Variants in PRDM11 observed in about 807,000 individuals in gnomAD.
PRDM11 encodes the protein PR domain-containing protein 11.
In PRDM11, 20 loss-of-function variants were observed where a neutral mutation model predicts 97.8. The observed-to-expected ratio is 0.20, with a 90% CI of 0.14 to 0.30. The LOEUF is 0.30. PRDM11 is among the 10% of genes least tolerant of loss of function. The pLI, the probability that PRDM11 is intolerant of heterozygous loss-of-function variation, is 1.00. For synonymous variants in PRDM11, 599 were observed against 637.7 expected (o/e 0.94, Z 0.91); for missense variants, 1,139 against 1,555.2 (o/e 0.73, Z 4.50).
chr11:45,198,121 T>A (rs769047014), intron 4 of PRDM11, among the ~76,000 whole-genome samples: 1 of 152,368 alleles, frequency 6.6e-6, no homozygotes, highest in South Asian at 2.1e-4. Flanking sequence ...TTGAGCTTTT[T>A]TGAATCACCT....
chr11:45,134,289 G>A (rs1852783021), intron 1 of PRDM11, among the ~76,000 whole-genome samples: 1 of 152,170 alleles, frequency 6.6e-6, no homozygotes, highest in Admixed American at 6.5e-5. Context: ...TTACGATCAT[G>A]TTCCTTGAGA....
intron 1 of PRDM11, among the ~76,000 whole-genome samples, chr11:45,164,228 C>G (rs732161): frequency 0.3 from 45,330 of 152,052 alleles, 7,553 homozygotes; most frequent in Admixed American, 0.4. Context: ...GAGTGGGCAG[C>G]GTAAGGTCAG....
At chr11:45,148,927 A>G (rs1451991945) in intron 1 of PRDM11, among the ~76,000 whole-genome samples, 1 of 151,920 alleles carries the variant, frequency 6.6e-6, no homozygotes, top group African/African-American at 2.4e-5. Context: ...GGTGTCCATA[A>G]TCTTCCTCTC....
intron 5 of PRDM11, among the ~76,000 whole-genome samples, chr11:45,217,965 C>T (rs1319612689): frequency 6.6e-6 from 1 of 152,166 alleles, no homozygotes; most frequent in Non-Finnish European, 1.5e-5. Context: ...TCCTTCAAGT[C>T]GTTTACTGGG....
intron 1 of PRDM11, among the ~76,000 whole-genome samples, chr11:45,114,968 G>A: frequency 6.6e-6 from 1 of 152,022 alleles, no homozygotes; most frequent in African/African-American, 2.4e-5. Flanking sequence ...TAGGCTGAAG[G>A]GAGATTACAC....
intron 1 of PRDM11, among the ~76,000 whole-genome samples, chr11:45,108,822 T>C (rs1852114394): frequency 6.6e-6 from 1 of 152,184 alleles, no homozygotes; most frequent in South Asian, 2.1e-4. Flanking sequence ...AACCAAGAAT[T>C]AACACATGCA....
chr11:45,220,369 A>C (rs1295559411), intron 6 of PRDM11, among the ~76,000 whole-genome samples: 1 of 152,210 alleles, frequency 6.6e-6, no homozygotes, highest in African/African-American at 2.4e-5. Flanking sequence ...CTACCCTGTC[A>C]GTGCACCCTG....
rs529004323 is a variant in PRDM11, at chr11:45,183,605, C to T, written c.486+482C>T. 1.3e-3 allele frequency among the ~76,000 whole-genome samples: 199 copies of T among 152,238 alleles called. 1 individual carries two copies. Among genetic ancestry groups the T allele is most frequent in the African/African-American group, 4.5e-3 (187 of 41,524 alleles). On this transcript the variant is annotated intron_variant, in intron 4 of 7. Coordinates refer to ENST00000683152, the MANE Select transcript of PRDM11 (RefSeq NM_001384648.1). ...GCAGACGATCTGGTAGGAAGACAGG[C>T]ATTGAACAAGCAGGTACACATGTGA...
In PRDM11 at chr11:45,224,218, A is replaced by G. The variant is rs1440715993; in HGVS notation, c.744A>G (p.Gly248=). The G allele has an allele frequency of 6.3e-7, 1 of 1,575,388 alleles. No homozygotes were observed. Among genetic ancestry groups the G allele is most frequent in the Non-Finnish European group, 8.6e-7 (1 of 1,164,222 alleles). Residue 248 remains glycine (G), a splice_region_variant and synonymous_variant, in exon 7 of 8, where the codon GGA becomes GGG. Coordinates refer to ENST00000683152, the MANE Select transcript of PRDM11 (RefSeq NM_001384648.1). ...QETIHRNLAR[G]EKRLQREKSE... is the part of the protein sequence containing the mutation. ...TTACACCCTGGTTTTCCTTCCTAGG[A>G]GAGAAGAGGTTGCAGAGGGAGAAGT...
chr11:45,162,514 T>C (rs2135705244), intron 1 of PRDM11, among the ~76,000 whole-genome samples: 1 of 152,280 alleles, frequency 6.6e-6, no homozygotes, highest in East Asian at 1.9e-4. Context: ...AAGAACATAG[T>C]GTCAGAGGGA....
chr11:45,209,746 T>C lies in PRDM11; in HGVS notation c.554+4968T>C, dbSNP rs566260675. On this transcript the variant is annotated intron_variant, in intron 5 of 7. Coordinates refer to ENST00000683152, the MANE Select transcript of PRDM11 (RefSeq NM_001384648.1). ...GGCTCTGCTGTCGCCATCTGGACAT[T>C]CTTCATAGTTTTTGAGCCAGGGGCC... Among the ~76,000 whole-genome samples, 17 of 152,196 alleles carry C rather than the reference T, an allele frequency of 1.1e-4. No homozygotes were observed. The South Asian group carries it at 3.3e-3, about 30-fold the overall frequency.
At chr11:45,148,323 A>G (rs1021217885) in intron 1 of PRDM11, among the ~76,000 whole-genome samples, 11 of 152,176 alleles carry the variant, frequency 7.2e-5, no homozygotes, top group Admixed American at 1.3e-4. Context: ...TCCATCCCTG[A>G]GTCCAACAAA....
At position 45,227,331 on chromosome 11, in the gene PRDM11, C is replaced by T. The variant is rs1434884020; in HGVS notation, c.2706C>T (p.Tyr902=). 3 of 1,533,852 alleles carry T rather than the reference C, an allele frequency of 2.0e-6. No homozygotes were observed. Among genetic ancestry groups the T allele is most frequent in the African/African-American group, 1.4e-5 (1 of 72,980 alleles). ...SRLAYIFQGE[Y]LLVSQVDDKI... Reference sequence around the variant, plus strand: ...TGGCCTACATCTTCCAGGGCGAGTACCTGCTGGTGTCCCAGGTGGATGACA... The same window carrying T: ...TGGCCTACATCTTCCAGGGCGAGTATCTGCTGGTGTCCCAGGTGGATGACA... The change falls in exon 8 of 8, where the codon TAC becomes TAT. Residue 902 remains tyrosine, a synonymous_variant. Transcript: ENST00000683152. This position sits in a 1 kb window ranked among gnomAD's most constrained non-coding sequence, Gnocchi z 8.0.
At chr11:45,162,789 G>T (rs1387721733) in intron 1 of PRDM11, among the ~76,000 whole-genome samples, 1 of 152,236 alleles carries the variant, frequency 6.6e-6, no homozygotes, top group African/African-American at 2.4e-5. Context: ...GATCATTAAG[G>T]TGGCAGTGCG....
chr11:45,174,018 G>A (rs1852267658), intron 1 of PRDM11, among the ~76,000 whole-genome samples: 1 of 152,184 alleles, frequency 6.6e-6, no homozygotes, highest in Non-Finnish European at 1.5e-5. Flanking sequence ...CAGAATCTTA[G>A]AACTCCTTTT....
intron 1 of PRDM11, among the ~76,000 whole-genome samples, chr11:45,152,418 C>A (rs922195322): frequency 1.3e-5 from 2 of 152,200 alleles, no homozygotes; most frequent in Non-Finnish European, 2.9e-5. Flanking sequence ...CCTCTCTCTG[C>A]TTCCTGCTTT....
At chr11:45,168,243 G>C (rs1852115998) in intron 1 of PRDM11, among the ~76,000 whole-genome samples, 1 of 152,196 alleles carries the variant, frequency 6.6e-6, no homozygotes. Context: ...CCGTGGTCAG[G>C]TTCCCTGGAC....
Position 45,227,947 on chromosome 11 carries a change from C to G in PRDM11, c.3322C>G (p.Leu1108Val), listed in dbSNP as rs1433035606. 1 of 1,533,938 alleles carries G rather than the reference C, an allele frequency of 6.5e-7. No individual in the cohort carries two copies. The highest frequency in any genetic ancestry group is 8.7e-7 in the Non-Finnish European group (1 of 1,146,732). The stretch of plus-strand genomic sequence containing the variant: ...CAAAAACCACCGCTCCCGCCTGACC[C>G]TGGAGCAGCTTAGCGACCTGTTGAC... ...VRKNHRSRLTLEQLSDLLTIA... is the reference protein window; with the variant it reads ...VRKNHRSRLTVEQLSDLLTIA... Residue 1108 changes from leucine to valine, a missense_variant, in exon 8 of 8, where the codon CTG becomes GTG. This residue lies in a region of PRDM11 where 710 missense variants were observed against 1,044.9 expected (regional missense o/e 0.68). Transcript: ENST00000683152. This position sits in a 1 kb window ranked among gnomAD's most constrained non-coding sequence, Gnocchi z 8.0.
chr11:45,163,412 C>G (rs1265162326), intron 1 of PRDM11, among the ~76,000 whole-genome samples: 1 of 152,204 alleles, frequency 6.6e-6, no homozygotes, highest in African/African-American at 2.4e-5. Flanking sequence ...GCCTCACCTA[C>G]TGCCTTCTGA....
Sources: gnomAD v4.1 joint callset for allele counts (sites outside exome capture counted in the v4.1 genomes callset) on GRCh38, gnomAD v4.1.1 for gene constraint, gnomAD v4.1.1 regional missense constraint, Gnocchi (gnomAD v3.1) non-coding constraint, MANE v1.5 for transcripts, NCBI Gene and HGNC (gene_info 2026-07-23, HGNC 2026-07-21) for gene names.